EYA4: variants seen among roughly 807,000 people sequenced by gnomAD.
EYA4 encodes EYA transcriptional coactivator and phosphatase 4.
In EYA4, 31 loss-of-function variants were observed where a neutral mutation model predicts 87.9. The ratio of observed to expected loss-of-function variants is 0.35; its 90% CI spans 0.27 to 0.48. EYA4 has a LOEUF of 0.48. Among genes scored for constraint, EYA4 ranks in the 20% least tolerant of loss-of-function variants. EYA4 has a pLI of 0.99. For missense variants in EYA4, 678 were observed against 761.4 expected, an observed-to-expected ratio of 0.89 and a Z score of 1.29; for synonymous variants, 263 against 270.6, an observed-to-expected ratio of 0.97 and a Z score of 0.28.
intron 2 of EYA4, among the ~76,000 whole-genome samples, chr6:133,286,981 C>T (rs1778115697): frequency 6.6e-6 from 1 of 152,020 alleles, no homozygotes; most frequent in Non-Finnish European, 1.5e-5. Context: ...CAGTAGCACC[C>T]CCCTTCCTTT....
At position 133,524,875 on chromosome 6, in the gene EYA4, T is replaced by A. The variant is rs894681465; in HGVS notation, c.1739-279T>A. 6.4e-6 allele frequency: 5 copies of A among 781,660 alleles called. No homozygotes were observed. In the African/African-American group the frequency reaches 8.5e-5, roughly 13 times the overall value. 48.4% of individuals were successfully genotyped at this position (781,660 alleles called of 1,614,324 possible). On this transcript the variant is annotated intron_variant, in intron 18 of 19. Coordinates refer to ENST00000355286, the MANE Select transcript of EYA4 (RefSeq NM_004100.5). The stretch of plus-strand genomic sequence containing the variant: ...TGTCCGAAGTAACGCCTTACCTTAT[T>A]CAAATATATGTTGATTTCATAAACC...
intron 2 of EYA4, among the ~76,000 whole-genome samples, chr6:133,277,865 T>A (rs188312719): frequency 2.6e-5 from 4 of 152,346 alleles, no homozygotes; most frequent in African/African-American, 9.6e-5. Flanking sequence ...ACTCTTAATG[T>A]TTAATGTCAT....
chr6:133,510,521 C>A, intron 14 of EYA4: 1 of 279,312 alleles, frequency 3.6e-6, no homozygotes, highest in South Asian at 3.9e-5. Flanking sequence ...TAAAATCTCT[C>A]CACTCTTTTC....
chr6:133,459,677 T>C (rs1278364079), intron 6 of EYA4, among the ~76,000 whole-genome samples: 7 of 152,160 alleles, frequency 4.6e-5, no homozygotes, highest in Admixed American at 4.6e-4. Flanking sequence ...ATGTCCATTG[T>C]GTAGTAGAAC....
intron 17 of EYA4, among the ~76,000 whole-genome samples, chr6:133,521,289 C>A (rs1485376281): frequency 6.6e-6 from 1 of 150,660 alleles, no homozygotes; most frequent in African/African-American, 2.4e-5. Context: ...ACAACCCCAT[C>A]AAAAAGTGGG....
intron 13 of EYA4, among the ~76,000 whole-genome samples, chr6:133,505,091 G>T (rs56253925): frequency 0.022 from 3,329 of 152,218 alleles, 56 homozygotes; most frequent in Middle Eastern, 0.041. Flanking sequence ...AATTTTAAGG[G>T]TTTGTCCCTT....
At chr6:133,464,755 A>G (rs1562452388) in intron 9 of EYA4, 24 bp from the exon 10 acceptor site, 1 of 1,385,432 alleles carries the variant, frequency 7.2e-7, no homozygotes. Context: ...TACTTTTAAA[A>G]TGCAATTTGT....
chr6:133,422,397 A>T (rs1790296342), intron 3 of EYA4, among the ~76,000 whole-genome samples: 1 of 152,250 alleles, frequency 6.6e-6, no homozygotes, highest in Admixed American at 6.5e-5. Context: ...TGTGACATTT[A>T]AAAATCTAAG....
chr6:133,388,544 AT>A (rs960790066), intron 3 of EYA4, among the ~76,000 whole-genome samples: 3 of 151,942 alleles, frequency 2.0e-5, no homozygotes, highest in Non-Finnish European at 4.4e-5. Flanking sequence ...GCTGAGTGTT[AT>A]TTTTGTACAC....
chr6:133,315,570 T>A (rs1241467369), intron 2 of EYA4, among the ~76,000 whole-genome samples: 1 of 152,026 alleles, frequency 6.6e-6, no homozygotes, highest in Non-Finnish European at 1.5e-5. Context: ...AGAAAATGAG[T>A]GCAAGAAACG....
chr6:133,364,967 G>A (rs1224163280), intron 2 of EYA4, among the ~76,000 whole-genome samples: 2 of 152,154 alleles, frequency 1.3e-5, no homozygotes, highest in South Asian at 4.1e-4. Context: ...ATGAAAATAG[G>A]TTATCTAGAA....
chr6:133,385,140 AAAC>A (rs1272776770), intron 3 of EYA4, among the ~76,000 whole-genome samples: 4 of 151,866 alleles, frequency 2.6e-5, no homozygotes, highest in African/African-American at 9.7e-5. Flanking sequence ...TCTACTAAAA[AAAC>A]AAAAAATTAG....
At chr6:133,291,005 A>C (rs946795475) in intron 2 of EYA4, among the ~76,000 whole-genome samples, 27 of 152,212 alleles carry the variant, frequency 1.8e-4, no homozygotes, top group Non-Finnish European at 2.9e-4. Context: ...TCATCTAAAA[A>C]AACTCAAGCA....
chr6:133,522,036 A>G (rs955106182), intron 17 of EYA4, among the ~76,000 whole-genome samples: 5 of 140,372 alleles, frequency 3.6e-5, no homozygotes, highest in African/African-American at 1.3e-4. Flanking sequence ...TAGTGGGTGC[A>G]GCGCACCAGC....
At chr6:133,249,651 T>G (rs1774723179) in intron 1 of EYA4, among the ~76,000 whole-genome samples, 1 of 152,238 alleles carries the variant, frequency 6.6e-6, no homozygotes, top group East Asian at 1.9e-4. Flanking sequence ...TTCCACTTCA[T>G]TTCTTTGTGC....
chr6:133,517,304 C>A (rs1383209443), intron 17 of EYA4, among the ~76,000 whole-genome samples: 1 of 145,274 alleles, frequency 6.9e-6, no homozygotes, highest in Non-Finnish European at 1.5e-5. Flanking sequence ...ATGAAATAAT[C>A]TGTACAACAA....
intron 1 of EYA4, among the ~76,000 whole-genome samples, chr6:133,254,362 G>A (rs1284982270): frequency 6.6e-6 from 1 of 152,144 alleles, no homozygotes; most frequent in Non-Finnish European, 1.5e-5. Context: ...GTTTCAAAAT[G>A]TGAGGACCAA....
rs145055388 is a variant in EYA4, at chr6:133,353,349, G to A, written c.34-29043G>A. ...AAATGATGGTTCGTTAGTTCTGTTA[G>A]GTGACAAATGTTGAGATGAGTGAAG... is the stretch of plus-strand genomic sequence containing the variant. On this transcript the variant is annotated intron_variant, in intron 2 of 19. Transcript: ENST00000355286. Among the ~76,000 whole-genome samples the A allele has an allele frequency of 5.8e-3, 890 of 152,194 alleles. 5 individuals carry two copies. Among genetic ancestry groups the A allele is most frequent in the Non-Finnish European group, 9.5e-3 (647 of 67,960 alleles).
chr6:133,308,407 T>C (rs1779969534), intron 2 of EYA4, among the ~76,000 whole-genome samples: 1 of 152,192 alleles, frequency 6.6e-6, no homozygotes, highest in Non-Finnish European at 1.5e-5. Flanking sequence ...AACTTTTATT[T>C]TAGATTTGGG....
Sources: allele counts gnomAD v4.1 joint callset (sites outside exome capture counted in the v4.1 genomes callset), GRCh38; gene constraint gnomAD v4.1.1; transcripts MANE v1.5; gene names NCBI Gene and HGNC (gene_info 2026-07-23, HGNC 2026-07-21).